The following XYLT1 variants were observed in gnomAD, a reference collection of about 807,000 sequenced individuals.
The protein encoded by XYLT1 is xylosyltransferase 1, also known as beta-D-xylosyltransferase 1.
A neutral mutation model predicts 91.3 loss-of-function variants in XYLT1; 36 were observed. The observed-to-expected ratio is 0.39, with a 90% CI of 0.30 to 0.52. The LOEUF (loss-of-function observed/expected upper bound fraction) is 0.52, where lower values mean the gene tolerates loss of function less well. Ranked by LOEUF, XYLT1 falls within the 20% of genes least tolerant of loss-of-function variation. The pLI is 0.68. For synonymous variants in XYLT1, 588 were observed against 532.0 expected (o/e 1.11, Z -1.45); for missense variants, 1,242 against 1,284.5 (o/e 0.97, Z 0.51).
intron 1 of XYLT1, among the ~76,000 whole-genome samples, chr16:17,376,596 G>A (rs903704808): frequency 2.0e-4 from 31 of 152,152 alleles, no homozygotes; most frequent in African/African-American, 7.0e-4. Context: ...AGAGGCCAAG[G>A]CAGGAGGATC....
intron 2 of XYLT1, among the ~76,000 whole-genome samples, chr16:17,296,673 C>A (rs2034316701): frequency 6.6e-6 from 1 of 152,220 alleles, no homozygotes; most frequent in Non-Finnish European, 1.5e-5. Flanking sequence ...CCGATTTCTC[C>A]AGGGCTCAGC....
At chr16:17,209,476 C>G (rs1232102073) in intron 3 of XYLT1, among the ~76,000 whole-genome samples, 1 of 152,160 alleles carries the variant, frequency 6.6e-6, no homozygotes, top group Non-Finnish European at 1.5e-5. Flanking sequence ...GTACAAGTAC[C>G]TGTTTGAGTC....
intron 2 of XYLT1, among the ~76,000 whole-genome samples, chr16:17,268,108 C>A (rs1031912449): frequency 5.3e-5 from 8 of 152,142 alleles, no homozygotes; most frequent in Non-Finnish European, 1.0e-4. Context: ...CTTACTCTCT[C>A]ATGAGTGTAC....
intron 3 of XYLT1, among the ~76,000 whole-genome samples, chr16:17,244,333 G>C (rs973699129): frequency 1.3e-5 from 2 of 152,168 alleles, no homozygotes; most frequent in Non-Finnish European, 2.9e-5. Context: ...GACCACGCAA[G>C]AAAATTGCTG....
intron 1 of XYLT1, among the ~76,000 whole-genome samples, chr16:17,417,688 C>A (rs919238775): frequency 6.6e-6 from 1 of 152,320 alleles, no homozygotes; most frequent in South Asian, 2.1e-4. Context: ...CTTTGACATG[C>A]CTTTATCGAA....
chr16:17,159,667 C>T (rs2031499585), intron 5 of XYLT1, among the ~76,000 whole-genome samples: 1 of 152,342 alleles, frequency 6.6e-6, no homozygotes. Flanking sequence ...TCCTCGATAA[C>T]CACGGGGCTA....
At chr16:17,407,130 T>G (rs1011634703) in intron 1 of XYLT1, among the ~76,000 whole-genome samples, 1 of 152,096 alleles carries the variant, frequency 6.6e-6, no homozygotes, top group African/African-American at 2.4e-5. Flanking sequence ...GCCTCCCAAG[T>G]AGCTGGGATT....
chr16:17,397,503 T>G (rs2035903080), intron 1 of XYLT1, among the ~76,000 whole-genome samples: 1 of 152,178 alleles, frequency 6.6e-6, no homozygotes, highest in African/African-American at 2.4e-5. Context: ...AGACCCCTTT[T>G]GCTGGGGTAC....
intron 2 of XYLT1, among the ~76,000 whole-genome samples, chr16:17,354,259 G>C (rs57745188): frequency 2.6e-5 from 4 of 152,104 alleles, no homozygotes; most frequent in Non-Finnish European, 4.4e-5. Flanking sequence ...AACCTTCCTC[G>C]GCTTCCTCAT....
intron 3 of XYLT1, among the ~76,000 whole-genome samples, chr16:17,223,650 G>A (rs181411910): frequency 2.0e-3 from 303 of 152,334 alleles, no homozygotes; most frequent in African/African-American, 6.9e-3. Flanking sequence ...GAAAGGGCCT[G>A]GATCCCTGAA....
At chr16:17,228,920 C>T (rs1045863853) in intron 3 of XYLT1, among the ~76,000 whole-genome samples, 8 of 152,122 alleles carry the variant, frequency 5.3e-5, no homozygotes, top group Non-Finnish European at 1.2e-4. Context: ...TGTCTCAGGC[C>T]ACACAGCTAG....
intron 10 of XYLT1, among the ~76,000 whole-genome samples, chr16:17,122,067 C>T (rs141328796): frequency 1.1e-4 from 16 of 152,156 alleles, no homozygotes; most frequent in East Asian, 3.9e-4. Context: ...TATAAACATG[C>T]GTGTGCAAGA....
chr16:17,389,832 G>A (rs905882074), intron 1 of XYLT1, among the ~76,000 whole-genome samples: 1 of 152,174 alleles, frequency 6.6e-6, no homozygotes, highest in African/African-American at 2.4e-5. Context: ...ATAATCAGTG[G>A]CATGCAAACC....
intron 2 of XYLT1, among the ~76,000 whole-genome samples, chr16:17,330,244 A>T (rs114797786): frequency 8.7e-4 from 132 of 152,276 alleles, no homozygotes; most frequent in African/African-American, 3.1e-3. Context: ...CGTATAAACA[A>T]ATAAGTGCAA....
intron 1 of XYLT1, among the ~76,000 whole-genome samples, chr16:17,400,938 T>C (rs1318738945): frequency 6.6e-6 from 1 of 151,862 alleles, no homozygotes; most frequent in Non-Finnish European, 1.5e-5. Flanking sequence ...GGGGATGACA[T>C]AATCCAGCTC....
At chr16:17,250,811 C>T (rs1300229881) in intron 3 of XYLT1, 2 of 152,308 alleles carry the variant, frequency 1.3e-5, no homozygotes, top group East Asian at 3.8e-4. Context: ...TCAACCCCAC[C>T]CACTTAGCCA....
chr16:17,270,659 G>A (rs977898921), intron 2 of XYLT1, among the ~76,000 whole-genome samples: 17 of 152,192 alleles, frequency 1.1e-4, no homozygotes, highest in African/African-American at 1.7e-4. Flanking sequence ...TACCAGGCAC[G>A]GAGCTAAGCC....
intron 5 of XYLT1, among the ~76,000 whole-genome samples, chr16:17,166,258 C>G (rs147473920): frequency 2.0e-5 from 3 of 152,362 alleles, no homozygotes; most frequent in East Asian, 1.9e-4. Flanking sequence ...TGTCTGCCAA[C>G]AGAACCAGCA....
intron 1 of XYLT1, among the ~76,000 whole-genome samples, chr16:17,460,385 T>G (rs2036802893): frequency 6.6e-6 from 1 of 152,224 alleles, no homozygotes; most frequent in African/African-American, 2.4e-5. Flanking sequence ...GATGGCCTCA[T>G]GCTTATAAGA....
Sources: allele counts gnomAD v4.1 joint callset (sites outside exome capture counted in the v4.1 genomes callset), GRCh38; gene constraint gnomAD v4.1.1; transcripts MANE v1.5; gene names NCBI Gene and HGNC (gene_info 2026-07-23, HGNC 2026-07-21).